NMNAT3: variants seen among roughly 807,000 people sequenced by gnomAD.
NMNAT3 encodes nicotinamide/nicotinic acid mononucleotide adenylyltransferase 3.
A neutral mutation model predicts 24.8 loss-of-function variants in NMNAT3; 21 were observed. The ratio of observed to expected loss-of-function variants is 0.85; its 90% confidence interval spans 0.60 to 1.22. NMNAT3 has a LOEUF of 1.22. Ranked by LOEUF, NMNAT3 falls within the 50% of genes most tolerant of loss-of-function variation. NMNAT3 has a pLI of 0.00. For synonymous variants in NMNAT3, 136 were observed against 155.2 expected (o/e 0.88, Z 0.92); for missense variants, 387 against 436.6 (o/e 0.89, Z 1.01).
chr3:139,577,115 G>C (rs1381333573), intron 5 of NMNAT3, among the ~76,000 whole-genome samples: 1 of 142,764 alleles, frequency 7.0e-6, no homozygotes, highest in East Asian at 2.0e-4. Flanking sequence ...CTTTTTTTGA[G>C]ACCCTATCTC....
chr3:139,588,694 C>T (rs1406276461), intron 3 of NMNAT3, among the ~76,000 whole-genome samples: 1 of 152,118 alleles, frequency 6.6e-6, no homozygotes, highest in Non-Finnish European at 1.5e-5. Flanking sequence ...GTCCTTGGAT[C>T]CACCCCAGCC....
intron 3 of NMNAT3, among the ~76,000 whole-genome samples, chr3:139,595,070 T>C (rs368038513): frequency 1.3e-5 from 2 of 152,154 alleles, no homozygotes; most frequent in African/African-American, 2.4e-5. Context: ...ACCCCATTGT[T>C]TCAGCCCAAA....
chr3:139,634,376 C>CT (rs1489958948), intron 2 of NMNAT3: 2 of 152,190 alleles, frequency 1.3e-5, no homozygotes, highest in Non-Finnish European at 2.9e-5. Flanking sequence ...CTACAAACAT[C>CT]TTTTATTACA....
At chr3:139,569,817 T>G (rs1294883834) in intron 6 of NMNAT3, 2 of 152,206 alleles carry the variant, frequency 1.3e-5, no homozygotes, top group Non-Finnish European at 2.9e-5. Flanking sequence ...GACAATTATG[T>G]GTCTTGGAGT....
intron 6 of NMNAT3, chr3:139,566,991 A>T (rs1395050349): frequency 6.6e-6 from 1 of 151,958 alleles, no homozygotes; most frequent in Non-Finnish European, 1.5e-5. Flanking sequence ...CTTCCTACCC[A>T]TGAGCATGGA....
At chr3:139,631,589 T>G (rs1331739709) in intron 2 of NMNAT3, among the ~76,000 whole-genome samples, 1 of 152,156 alleles carries the variant, frequency 6.6e-6, no homozygotes, top group Non-Finnish European at 1.5e-5. Flanking sequence ...TGTACAGGCT[T>G]GTTGGAATTT....
At chr3:139,676,148 C>G (rs2108472825) in intron 1 of NMNAT3, among the ~76,000 whole-genome samples, 1 of 152,330 alleles carries the variant, frequency 6.6e-6, no homozygotes, top group South Asian at 2.1e-4. Context: ...TACCACTCCC[C>G]ACAAATGGTG....
intron 1 of NMNAT3, among the ~76,000 whole-genome samples, chr3:139,661,082 G>A (rs1385933852): frequency 6.6e-6 from 1 of 152,110 alleles, no homozygotes; most frequent in Non-Finnish European, 1.5e-5. Flanking sequence ...AAGGACAGTC[G>A]CATACCATAA....
chr3:139,650,192 A>G (rs1177335865), intron 1 of NMNAT3, among the ~76,000 whole-genome samples: 1 of 152,190 alleles, frequency 6.6e-6, no homozygotes, highest in Admixed American at 6.5e-5. Context: ...TCTCTTCTCC[A>G]TATAATATGA....
At chr3:139,595,423 G>T (rs6805389) in intron 3 of NMNAT3, among the ~76,000 whole-genome samples, 5 of 152,088 alleles carry the variant, frequency 3.3e-5, no homozygotes, top group Non-Finnish European at 7.4e-5. Context: ...TCCCCATCAA[G>T]CTACCAATGA....
rs188990115 is a variant in NMNAT3 at position 139,652,401 on chromosome 3, C to T, written c.-140-14339G>A. Among the ~76,000 whole-genome samples, 73 of 152,326 alleles carry T rather than the reference C, an allele frequency of 4.8e-4. 1 individual carries two copies. The highest frequency in any genetic ancestry group is 8.5e-4 in the Non-Finnish European group (58 of 68,044). On this transcript the variant is annotated intron_variant, in intron 1 of 6. Coordinates refer to ENST00000643695, the MANE Select transcript of NMNAT3 (RefSeq NM_001320510.2). ...CATATTTCAATTAGATGCTATTACT[C>T]CACCTTTGCAGATGAGGAAACTGGG...
chr3:139,675,007 G>GA (rs2057879248), intron 1 of NMNAT3, among the ~76,000 whole-genome samples: 1 of 152,122 alleles, frequency 6.6e-6, no homozygotes, highest in African/African-American at 2.4e-5. Flanking sequence ...AGTCACACGA[G>GA]CAATTTTATC....
At chr3:139,584,028 A>G (rs1000983201) in intron 3 of NMNAT3, 1 of 161,480 alleles carries the variant, frequency 6.2e-6, no homozygotes, top group Admixed American at 6.1e-5. Flanking sequence ...GGTTCTTTTC[A>G]AAGAACCAAC....
intron 2 of NMNAT3, among the ~76,000 whole-genome samples, chr3:139,631,342 C>T (rs896802171): frequency 3.3e-5 from 5 of 152,166 alleles, no homozygotes; most frequent in East Asian, 1.9e-4. Context: ...TGGAATCACT[C>T]CAGGGATCCA....
intron 1 of NMNAT3, among the ~76,000 whole-genome samples, chr3:139,673,181 G>A (rs1371121177): frequency 6.6e-6 from 1 of 152,164 alleles, no homozygotes; most frequent in East Asian, 1.9e-4. Context: ...CACTCAGAAG[G>A]GAAAAGGCTC....
intron 3 of NMNAT3, among the ~76,000 whole-genome samples, chr3:139,611,405 G>A (rs2055207870): frequency 1.3e-5 from 2 of 152,168 alleles, no homozygotes; most frequent in Non-Finnish European, 2.9e-5. Flanking sequence ...CCTGTATGAT[G>A]AGGATATATT....
intron 1 of NMNAT3, among the ~76,000 whole-genome samples, chr3:139,662,275 CTAATTTG>C: frequency 6.6e-6 from 1 of 152,142 alleles, no homozygotes; most frequent in South Asian, 2.1e-4. Flanking sequence ...TCAGATGAAC[CTAATTTG>C]TAATCCTGGT....
intron 3 of NMNAT3, among the ~76,000 whole-genome samples, chr3:139,590,962 G>A (rs2054135707): frequency 6.6e-6 from 1 of 152,170 alleles, no homozygotes; most frequent in Non-Finnish European, 1.5e-5. Flanking sequence ...ACTCAGAGGA[G>A]GAGCCAAGAT....
intron 3 of NMNAT3, among the ~76,000 whole-genome samples, chr3:139,588,086 AT>A (rs2054013884): frequency 6.6e-6 from 1 of 152,096 alleles, no homozygotes; most frequent in African/African-American, 2.4e-5. Context: ...TGCCCTCCAA[AT>A]GGTCATAAGT....
Sources: allele counts gnomAD v4.1 joint callset (sites outside exome capture counted in the v4.1 genomes callset), GRCh38; gene constraint gnomAD v4.1.1; transcripts MANE v1.5; gene names NCBI Gene and HGNC (gene_info 2026-07-23, HGNC 2026-07-21).